PRORP: variants seen among roughly 807,000 people sequenced by gnomAD.
PRORP encodes protein only RNase P catalytic subunit.
In PRORP, 51 loss-of-function variants were observed where a neutral mutation model predicts 59.4. The ratio of observed to expected loss-of-function variants is 0.86; its 90% CI spans 0.69 to 1.08. The LOEUF is 1.08. Among genes scored for constraint, PRORP ranks in the 50% least tolerant of loss-of-function variants. PRORP has a pLI of 0.00. For missense variants in PRORP, 646 were observed against 690.3 expected, an observed-to-expected ratio of 0.94 and a Z score of 0.72; for synonymous variants, 231 against 245.6, an observed-to-expected ratio of 0.94 and a Z score of 0.55.
At chr14:35,259,764 G>A (rs955460577) in intron 5 of PRORP, among the ~76,000 whole-genome samples, 19 of 151,962 alleles carry the variant, frequency 1.3e-4, no homozygotes, top group Admixed American at 1.0e-3. Context: ...GCATGGTGCC[G>A]TGCACCTGTA....
chr14:35,194,590 G>T (rs1396827738), intron 5 of PRORP, among the ~76,000 whole-genome samples: 3 of 152,114 alleles, frequency 2.0e-5, no homozygotes, highest in Non-Finnish European at 2.9e-5. Flanking sequence ...GTAGATGACG[G>T]GTTGGTGGGT....
intron 5 of PRORP, among the ~76,000 whole-genome samples, chr14:35,261,310 T>C (rs907751665): frequency 6.6e-6 from 1 of 152,234 alleles, no homozygotes; most frequent in Admixed American, 6.5e-5. Context: ...TTATATATAA[T>C]GTCCAAGGTT....
chr14:35,127,039 G>A (rs1246745487), intron 3 of PRORP, among the ~76,000 whole-genome samples: 1 of 152,082 alleles, frequency 6.6e-6, no homozygotes, highest in African/African-American at 2.4e-5. Context: ...TGTGTTTTAG[G>A]ATTTATTTAT....
chr14:35,256,648 G>A (rs1005425402), intron 5 of PRORP, among the ~76,000 whole-genome samples: 2 of 151,668 alleles, frequency 1.3e-5, no homozygotes, highest in Non-Finnish European at 2.9e-5. Flanking sequence ...ATCTTTTAAA[G>A]CATTCTTATA....
intron 4 of PRORP, among the ~76,000 whole-genome samples, chr14:35,139,942 C>G (rs1159946669): frequency 1.4e-5 from 2 of 145,668 alleles, no homozygotes; most frequent in African/African-American, 4.9e-5. Context: ...CTGCATCACT[C>G]CATTCTCTGC....
intron 5 of PRORP, among the ~76,000 whole-genome samples, chr14:35,203,372 G>T (rs907900199): frequency 2.0e-5 from 3 of 151,772 alleles, no homozygotes; most frequent in African/African-American, 7.3e-5. Flanking sequence ...TACAAAAAAT[G>T]GAAAAATTAG....
chr14:35,121,972 C>T (rs759377269), upstream of PRORP: 3 of 1,614,162 alleles, frequency 1.9e-6, no homozygotes, highest in East Asian at 2.2e-5. Flanking sequence ...CCGACTTCCG[C>T]GCAGCAGCTT....
rs192767208 is a variant in PRORP, at chr14:35,236,839, A to G, written c.1276-29888A>G. Among the ~76,000 whole-genome samples, 10 of 152,216 alleles carry G rather than the reference A, an allele frequency of 6.6e-5. No homozygotes were observed. In the East Asian group the frequency reaches 1.7e-3, roughly 27 times the overall value. On this transcript the variant is annotated intron_variant, in intron 5 of 7. Coordinates refer to ENST00000534898, the MANE Select transcript of PRORP (RefSeq NM_014672.4). Reference sequence around the variant, plus strand: ...CTTGCCATCTTCCTGCCAGACATCTACACCAATAGGTGGTACCAAATGTTC... The same window carrying G: ...CTTGCCATCTTCCTGCCAGACATCTGCACCAATAGGTGGTACCAAATGTTC...
intron 5 of PRORP, among the ~76,000 whole-genome samples, chr14:35,196,446 G>A (rs189653971): frequency 6.4e-4 from 97 of 152,294 alleles, no homozygotes; most frequent in Admixed American, 2.6e-3. Context: ...GCAGTGAGCC[G>A]TGATTGCGCT....
At chr14:35,143,354 G>A (rs557224863) in intron 4 of PRORP, among the ~76,000 whole-genome samples, 2 of 143,782 alleles carry the variant, frequency 1.4e-5, no homozygotes, top group Non-Finnish European at 3.1e-5. Context: ...TAGAGACGGG[G>A]TTTCACCATG....
chr14:35,160,217 C>A (rs1420183214), intron 4 of PRORP, among the ~76,000 whole-genome samples: 1 of 152,148 alleles, frequency 6.6e-6, no homozygotes, highest in Non-Finnish European at 1.5e-5. Flanking sequence ...GGGATATCCC[C>A]AAGATTTCTA....
intron 5 of PRORP, among the ~76,000 whole-genome samples, chr14:35,235,976 G>A (rs1032028998): frequency 6.6e-6 from 1 of 151,620 alleles, no homozygotes; most frequent in Non-Finnish European, 1.5e-5. Flanking sequence ...CACACATATA[G>A]TCCCAGCTAC....
At chr14:35,201,227 T>C (rs1475838730) in intron 5 of PRORP, among the ~76,000 whole-genome samples, 1 of 152,172 alleles carries the variant, frequency 6.6e-6, no homozygotes, top group African/African-American at 2.4e-5. Context: ...CTAAGGAAGT[T>C]TTGTCAGCTT....
intron 4 of PRORP, among the ~76,000 whole-genome samples, chr14:35,128,721 C>T (rs1379765197): frequency 6.6e-6 from 1 of 152,070 alleles, no homozygotes; most frequent in Non-Finnish European, 1.5e-5. Flanking sequence ...GGTCTTCTCT[C>T]CTTTTTTCTT....
chr14:35,266,317 CAAAA>C (rs35672758), intron 5 of PRORP, among the ~76,000 whole-genome samples: 5,154 of 126,432 alleles, frequency 0.041, 125 homozygotes, highest in Non-Finnish European at 0.056. Context: ...AACTCTGTCT[CAAAA>C]AAAAAAAAAA....
intron 4 of PRORP, among the ~76,000 whole-genome samples, chr14:35,130,197 AT>A (rs1296807165): frequency 1.3e-5 from 2 of 151,448 alleles, no homozygotes; most frequent in East Asian, 2.0e-4. Context: ...TGCCCGGCTA[AT>A]TTTTTTGTAT....
intron 5 of PRORP, among the ~76,000 whole-genome samples, chr14:35,250,231 CAAAAAAAAAA>C (rs796530537): frequency 7.9e-6 from 1 of 126,994 alleles, no homozygotes; most frequent in Non-Finnish European, 1.7e-5. Context: ...GACTCGGTCT[CAAAAAAAAAA>C]AAGAAAAAAA....
intron 4 of PRORP, among the ~76,000 whole-genome samples, chr14:35,170,420 C>T (rs2048286410): frequency 6.6e-6 from 1 of 151,996 alleles, no homozygotes; most frequent in African/African-American, 2.4e-5. Context: ...TTTATCAACT[C>T]TGGCCTACAG....
intron 5 of PRORP, among the ~76,000 whole-genome samples, chr14:35,207,922 C>T (rs1284603855): frequency 6.6e-6 from 1 of 152,076 alleles, no homozygotes; most frequent in Non-Finnish European, 1.5e-5. Context: ...GAGGCCGAGG[C>T]GGGTGGATCA....
Sources: allele counts gnomAD v4.1 joint callset (sites outside exome capture counted in the v4.1 genomes callset), GRCh38; gene constraint gnomAD v4.1.1; transcripts MANE v1.5; gene names NCBI Gene and HGNC (gene_info 2026-07-23, HGNC 2026-07-21).